The following KMT2C variants were observed in gnomAD, a reference collection of about 807,000 sequenced individuals.
KMT2C encodes histone-lysine N-methyltransferase 2C.
In KMT2C, 88 loss-of-function variants were observed where a neutral mutation model predicts 507.9. The observed-to-expected ratio is 0.17, with a 90% CI of 0.15 to 0.21. KMT2C has a LOEUF of 0.21. Among genes scored for constraint, KMT2C ranks in the 10% least tolerant of loss-of-function variants. The pLI is 1.00. For synonymous variants in KMT2C, 2,049 were observed against 2,080.8 expected (o/e 0.98, Z 0.42); for missense variants, 4,954 against 5,957.8 (o/e 0.83, Z 5.55).
At chr7:152,304,372 A>G (rs2096596988) in intron 6 of KMT2C, among the ~76,000 whole-genome samples, 1 of 152,240 alleles carries the variant, frequency 6.6e-6, no homozygotes, top group Admixed American at 6.5e-5. Context: ...TGTTTAATAA[A>G]TGGGCTTAAA....
intron 31 of KMT2C, among the ~76,000 whole-genome samples, chr7:152,192,974 G>T (rs573266601): frequency 6.6e-6 from 1 of 152,232 alleles, no homozygotes; most frequent in Admixed American, 6.5e-5. Flanking sequence ...AGGAGTTCTA[G>T]ACTGGCCTGG....
chr7:152,328,936 G>A (rs2096855296), intron 3 of KMT2C, among the ~76,000 whole-genome samples: 1 of 152,120 alleles, frequency 6.6e-6, no homozygotes, highest in Admixed American at 6.5e-5. Flanking sequence ...GCAGAATCAA[G>A]CATGGTACTG....
At chr7:152,264,922 G>T in intron 8 of KMT2C, 116 bp downstream of exon 8, 1 of 1,280,000 alleles carries the variant, frequency 7.8e-7, no homozygotes, top group Non-Finnish European at 1.0e-6. Context: ...TGAAGTCACT[G>T]AATGAATATA....
At chr7:152,158,031 T>C in intron 44 of KMT2C, 1 of 714,276 alleles carries the variant, frequency 1.4e-6, no homozygotes, top group Non-Finnish European at 2.0e-6. Context: ...TTCAGAAAAA[T>C]GAGACTTAAA....
chr7:152,180,904 G>A lies in KMT2C; in HGVS notation c.6956C>T (p.Ala2319Val), dbSNP rs1005675691. 4 of 1,614,064 alleles carry A rather than the reference G, an allele frequency of 2.5e-6. No individual in the cohort carries two copies. The change falls in exon 36 of 59, where the codon GCC becomes GTC. Residue 2319 changes from alanine to valine, a missense_variant. Physicochemically the swap from Ala to Val is moderately conservative, Grantham distance 64. Transcript: ENST00000262189. ...QSDSFGTSQT[A>V]HDVADQPRPG... ...CCTTGGCTGATCAGCAACATCATGGGCAGTTTGACTTGTTCCAAAAGAGTC... is the reference window on the plus strand; with the variant it reads ...CCTTGGCTGATCAGCAACATCATGGACAGTTTGACTTGTTCCAAAAGAGTC...
intron 2 of KMT2C, among the ~76,000 whole-genome samples, chr7:152,334,644 A>AG (rs1182099517): frequency 6.6e-6 from 1 of 152,044 alleles, no homozygotes; most frequent in African/African-American, 2.4e-5. Context: ...ATCATCTAAA[A>AG]GGAAGTGAGC....
At chr7:152,164,390 C>G (rs915345222) in intron 42 of KMT2C, among the ~76,000 whole-genome samples, 6 of 151,124 alleles carry the variant, frequency 4.0e-5, no homozygotes, top group Non-Finnish European at 8.8e-5. Context: ...CCCGGGTTCA[C>G]GCCATTCTCC....
Position 152,297,055 on chromosome 7 carries a change from C to CAGAAAG in KMT2C, c.849+12910_849+12911insCTTTCT, listed in dbSNP as rs1315629061. Among the ~76,000 whole-genome samples, 49 of 84,436 alleles carry CAGAAAG rather than the reference C, an allele frequency of 5.8e-4. 1 individual carries two copies. The highest frequency in any genetic ancestry group is 2.4e-3 in the African/African-American group (44 of 18,330). The allele number at this position is 84,436 out of a possible 152,430, so 55.4% of individuals were successfully genotyped here. On this transcript the variant is annotated intron_variant, in intron 6 of 58. Coordinates refer to ENST00000262189, the MANE Select transcript of KMT2C (RefSeq NM_170606.3). ...AAAGAAAGAAAGAAAGAAAGAAAGA[C>CAGAAAG]AGAGAGAGAGAGAGAGAGAGAGAGA...
At chr7:152,352,744 G>A (rs574262341) in intron 2 of KMT2C, among the ~76,000 whole-genome samples, 8 of 152,080 alleles carry the variant, frequency 5.3e-5, no homozygotes, top group Admixed American at 5.2e-4. Flanking sequence ...TAAAAAACTA[G>A]AAGTCCTTAG....
intron 1 of KMT2C, among the ~76,000 whole-genome samples, chr7:152,394,377 T>A (rs2097524197): frequency 6.6e-6 from 1 of 152,308 alleles, no homozygotes; most frequent in South Asian, 2.1e-4. Context: ...GTTTTCTCCA[T>A]AACTCAGCTC....
Position 152,323,241 on chromosome 7 carries a change from T to TTAC in KMT2C, c.389+7357_389+7359dup, listed in dbSNP as rs200184786. The stretch of plus-strand genomic sequence containing the variant: ...CTGCATGCCCATGCTTACTACAGCA[T>TTAC]TACTTACAATAGCCAGATATGGAAT... On this transcript the variant is annotated intron_variant, in intron 3 of 58. Coordinates refer to ENST00000262189, the MANE Select transcript of KMT2C (RefSeq NM_170606.3). Among the ~76,000 whole-genome samples the TTAC allele has an allele frequency of 3.0e-4, 46 of 152,172 alleles. 1 individual carries two copies. The East Asian group carries it at 7.3e-3, about 24-fold the overall frequency.
At chr7:152,178,941 A>G (rs987563914) in intron 37 of KMT2C, among the ~76,000 whole-genome samples, 26 of 152,342 alleles carry the variant, frequency 1.7e-4, no homozygotes, top group Admixed American at 3.9e-4. Flanking sequence ...TCACCATGGA[A>G]AGTTCCTAAA....
At chr7:152,339,678 G>A (rs115737887) in intron 2 of KMT2C, among the ~76,000 whole-genome samples, 389 of 152,206 alleles carry the variant, frequency 2.6e-3, no homozygotes, top group African/African-American at 9.1e-3. Context: ...CCCCTGTTCT[G>A]TATGTGCCAT....
rs1337854151 is a variant in KMT2C at position 152,138,664 on chromosome 7, C to G, written c.14643+132G>C. ...GTGAGATACTGCAGGGTGGGAACAT[C>G]TGGCCTATTATGGACAGAGTTTTTA... On this transcript the variant is annotated intron_variant, in intron 58 of 58. Coordinates refer to ENST00000262189, the MANE Select transcript of KMT2C (RefSeq NM_170606.3). The surrounding 1 kb of genome is among the most constrained non-coding windows in gnomAD (Gnocchi z 4.2). 3 of 618,476 alleles carry G rather than the reference C, an allele frequency of 4.9e-6. No individual in the cohort carries two copies. Among genetic ancestry groups the G allele is most frequent in the African/African-American group, 1.9e-5 (1 of 53,440 alleles). The allele number at this position is 618,476 out of a possible 1,614,324, so 38.3% of individuals were successfully genotyped here. A position where few individuals can be genotyped will look rare whatever the true frequency, so the allele number is the denominator to read the frequency against.
intron 28 of KMT2C, 56 bp downstream of exon 28, chr7:152,195,851 T>C (rs563865229): frequency 1.7e-5 from 16 of 969,168 alleles, no homozygotes; most frequent in African/African-American, 1.3e-4. Flanking sequence ...CCACACATCA[T>C]ACACCTCTCG....
chr7:152,282,491 T>C (rs2096235990), intron 6 of KMT2C, among the ~76,000 whole-genome samples: 1 of 152,212 alleles, frequency 6.6e-6, no homozygotes, highest in Non-Finnish European at 1.5e-5. Context: ...AACAGAATAC[T>C]ATACATCAAT....
rs372187941 is a variant in KMT2C, at chr7:152,176,673, G to C, written c.8780C>G (p.Ser2927Cys). Residue 2927 changes from serine (S) to cysteine (C), a missense_variant, in exon 38 of 59, where the codon TCT (serine) becomes TGT (cysteine). Ser to Cys is a moderately radical substitution (Grantham distance 112). Transcript: ENST00000262189. ...VLSSLLANEKSDNSDIRPSGS... is the reference protein window; with the variant it reads ...VLSSLLANEKCDNSDIRPSGS... ...CGATGGCCTAATGTCTGAATTATCA[G>C]ATTTCTCATTAGCAAGTAAACTTGA... The C allele has an allele frequency of 3.7e-6, 6 of 1,614,084 alleles. No individual in the cohort carries two copies. The highest frequency in any genetic ancestry group is 5.1e-6 in the Non-Finnish European group (6 of 1,180,048).
intron 1 of KMT2C, among the ~76,000 whole-genome samples, chr7:152,399,593 T>C (rs1354995547): frequency 6.6e-6 from 1 of 152,004 alleles, no homozygotes; most frequent in Admixed American, 6.6e-5. Flanking sequence ...CAAGAGCTCA[T>C]TGTGAACCCT....
chr7:152,399,658 A>G (rs548782237), intron 1 of KMT2C, among the ~76,000 whole-genome samples: 2 of 152,292 alleles, frequency 1.3e-5, no homozygotes, highest in Admixed American at 1.3e-4. Flanking sequence ...TTTGGTTAAA[A>G]GCCTACAATA....
Sources: allele counts gnomAD v4.1 joint callset (sites outside exome capture counted in the v4.1 genomes callset), GRCh38; gene constraint gnomAD v4.1.1; non-coding constraint Gnocchi (gnomAD v3.1); transcripts MANE v1.5; gene names NCBI Gene and HGNC (gene_info 2026-07-23, HGNC 2026-07-21).